The following CACNA2D3 variants were observed in gnomAD, a reference collection of about 807,000 sequenced individuals.
The protein encoded by CACNA2D3 is voltage-dependent calcium channel subunit alpha-2/delta-3.
Under a neutral mutation model 160.6 loss-of-function variants are expected in CACNA2D3, and 60 were observed. The ratio of observed to expected loss-of-function variants is 0.37; its 90% CI spans 0.30 to 0.46. The LOEUF (loss-of-function observed/expected upper bound fraction) is 0.46, where lower values mean the gene tolerates loss of function less well. CACNA2D3 is among the 20% of genes least tolerant of loss of function. The probability of loss-of-function intolerance (pLI) is 1.00; values close to 1 mark genes in which losing one functional copy is unlikely to be tolerated. For synonymous variants in CACNA2D3, 558 were observed against 492.9 expected (o/e 1.13, Z -1.75); for missense variants, 1,205 against 1,365.0 (o/e 0.88, Z 1.85).
chr3:54,298,171 G>A (rs1703382699), intron 2 of CACNA2D3, among the ~76,000 whole-genome samples: 1 of 152,206 alleles, frequency 6.6e-6, no homozygotes, highest in African/African-American at 2.4e-5. Flanking sequence ...GGGTATTGAT[G>A]GATGAGTGGG....
chr3:54,337,693 C>A (rs774649602), intron 3 of CACNA2D3, among the ~76,000 whole-genome samples: 1 of 152,102 alleles, frequency 6.6e-6, no homozygotes, highest in South Asian at 2.1e-4. Context: ...CCTTTCTTTC[C>A]GCCATTCCCT....
intron 27 of CACNA2D3, among the ~76,000 whole-genome samples, chr3:54,936,140 GT>G (rs1701322678): frequency 6.8e-6 from 1 of 147,898 alleles, no homozygotes; most frequent in Admixed American, 6.8e-5. Context: ...GGGTTAAACA[GT>G]TTTTTATCAC....
chr3:54,842,804 T>C (rs776830275), intron 16 of CACNA2D3, among the ~76,000 whole-genome samples: 2 of 151,792 alleles, frequency 1.3e-5, no homozygotes, highest in East Asian at 3.9e-4. Context: ...TTTCACCATG[T>C]TCACCAGGCT....
At chr3:54,135,682 G>A (rs1460871923) in intron 2 of CACNA2D3, among the ~76,000 whole-genome samples, 1 of 152,222 alleles carries the variant, frequency 6.6e-6, no homozygotes, top group African/African-American at 2.4e-5. Context: ...GCTACGTAGA[G>A]CACTGTGTGC....
At chr3:54,273,253 G>A (rs1702657991) in intron 2 of CACNA2D3, 2 of 152,236 alleles carry the variant, frequency 1.3e-5, no homozygotes, top group South Asian at 2.1e-4. Context: ...TGGAGAGAAG[G>A]GTTTGGATTC....
chr3:54,500,622 T>C (rs907246989), intron 4 of CACNA2D3, among the ~76,000 whole-genome samples: 3 of 151,824 alleles, frequency 2.0e-5, no homozygotes, highest in Admixed American at 1.3e-4. Context: ...TTCTTTCTTT[T>C]TTTCTTCTAC....
intron 2 of CACNA2D3, among the ~76,000 whole-genome samples, chr3:54,141,094 C>CGCGCGCGCGCGCACAT (rs768348036): frequency 9.8e-5 from 8 of 81,892 alleles, no homozygotes; most frequent in African/African-American, 2.7e-4. Context: ...TGTGCGCGCG[C>CGCGCGCGCGCGCACAT]GCGCGTGTGT....
At chr3:54,918,267 A>T (rs529389820) in intron 27 of CACNA2D3, 2 of 594,722 alleles carry the variant, frequency 3.4e-6, no homozygotes, top group East Asian at 5.8e-5. Flanking sequence ...TACCTATAGT[A>T]TTTTAAAAAT....
intron 2 of CACNA2D3, among the ~76,000 whole-genome samples, chr3:54,288,148 A>G (rs1703081947): frequency 6.6e-6 from 1 of 152,106 alleles, no homozygotes; most frequent in Non-Finnish European, 1.5e-5. Flanking sequence ...GTTTTTTGAA[A>G]GGATCAACAA....
chr3:54,502,748 T>G (rs2106944554), intron 4 of CACNA2D3, among the ~76,000 whole-genome samples: 1 of 152,318 alleles, frequency 6.6e-6, no homozygotes, highest in East Asian at 1.9e-4. Flanking sequence ...ATTTGTGAAG[T>G]AGGAATACTC....
chr3:54,316,324 C>T (rs944511853), intron 2 of CACNA2D3, among the ~76,000 whole-genome samples: 1 of 152,086 alleles, frequency 6.6e-6, no homozygotes, highest in Non-Finnish European at 1.5e-5. Context: ...TTACTAAGGG[C>T]TTTTGATTGA....
chr3:54,338,549 C>T (rs1198323368), intron 3 of CACNA2D3, among the ~76,000 whole-genome samples: 1 of 143,836 alleles, frequency 7.0e-6, no homozygotes, highest in Non-Finnish European at 1.5e-5. Flanking sequence ...AGAAGATGAG[C>T]CAGAGAATGA....
rs75918811 is a variant in CACNA2D3, at chr3:54,266,281, C to A, written c.205-54161C>A. ...CTTAGAATTGGAGTTGGGTAATGTG[C>A]TACCTGCTGTCCATAATAAATTTAC... On this transcript the variant is annotated intron_variant, in intron 2 of 37. Coordinates refer to ENST00000474759, the MANE Select transcript of CACNA2D3 (RefSeq NM_018398.3). Among the ~76,000 whole-genome samples, 837 of 152,268 alleles carry A rather than the reference C, an allele frequency of 5.5e-3. 23 individuals carry two copies. The highest frequency in any genetic ancestry group is 0.046 in the East Asian group (237 of 5,174).
chr3:54,508,189 C>A (rs1232674166), intron 5 of CACNA2D3, among the ~76,000 whole-genome samples: 1 of 152,154 alleles, frequency 6.6e-6, no homozygotes, highest in Non-Finnish European at 1.5e-5. Flanking sequence ...AGTTATGGAG[C>A]CTGGAAGGGC....
intron 2 of CACNA2D3, among the ~76,000 whole-genome samples, chr3:54,167,246 A>G (rs1308464096): frequency 1.3e-5 from 2 of 152,316 alleles, no homozygotes; most frequent in South Asian, 2.1e-4. Flanking sequence ...CAAACCAGGT[A>G]TATAGTTGAT....
At chr3:54,264,280 G>A (rs969101472) in intron 2 of CACNA2D3, among the ~76,000 whole-genome samples, 12 of 152,156 alleles carry the variant, frequency 7.9e-5, no homozygotes, top group Admixed American at 5.9e-4. Flanking sequence ...CTGCTCTTGT[G>A]TTGAAAAACG....
intron 18 of CACNA2D3, among the ~76,000 whole-genome samples, chr3:54,872,098 T>G (rs1179388283): frequency 6.6e-6 from 1 of 152,154 alleles, no homozygotes; most frequent in African/African-American, 2.4e-5. Context: ...CTCTGCAGGC[T>G]CACTTTTCTC....
At chr3:55,026,858 A>G (rs1482159404) in intron 35 of CACNA2D3, among the ~76,000 whole-genome samples, 2 of 152,234 alleles carry the variant, frequency 1.3e-5, no homozygotes, top group Admixed American at 6.5e-5. Context: ...TAAGGAAAAG[A>G]GTAAAAATGA....
At chr3:54,463,415 A>G (rs1166124606) in intron 4 of CACNA2D3, among the ~76,000 whole-genome samples, 3 of 151,500 alleles carry the variant, frequency 2.0e-5, no homozygotes, top group Non-Finnish European at 4.4e-5. Context: ...AGGTACAGCA[A>G]TCACGTAGAT....
Sources: allele counts gnomAD v4.1 joint callset (sites outside exome capture counted in the v4.1 genomes callset), GRCh38; gene constraint gnomAD v4.1.1; transcripts MANE v1.5; gene names NCBI Gene and HGNC (gene_info 2026-07-23, HGNC 2026-07-21).